The following TWF1 variants were observed in gnomAD, a reference collection of about 807,000 sequenced individuals.
TWF1 encodes the protein twinfilin actin binding protein 1, also known as twinfilin-1.
TWF1 carries 14 observed loss-of-function variants against 47.9 expected under a neutral mutation model. The observed-to-expected ratio is 0.29, with a 90% confidence interval of 0.19 to 0.46. The LOEUF is 0.46. Ranked by LOEUF, TWF1 falls within the 20% of genes least tolerant of loss-of-function variation. TWF1 has a pLI of 1.00. For missense variants in TWF1, 281 were observed against 409.3 expected (o/e 0.69, Z 2.70); for synonymous variants, 96 against 139.2 (o/e 0.69, Z 2.18).
chr12:43,804,153 TA>T, intron 2 of TWF1: 3 of 386,348 alleles, frequency 7.8e-6, no homozygotes, highest in Middle Eastern at 3.7e-4. Flanking sequence ...CACAAGTAAC[TA>T]TTTTTTTTTT....
At position 43,794,185 on chromosome 12, in the gene TWF1, A is replaced by G. The variant is rs1942510517; in HGVS notation, c.*1400T>C. The G allele has an allele frequency of 1.3e-5, 2 of 152,598 alleles. No individual in the cohort carries two copies. The highest frequency in any genetic ancestry group is 1.9e-4 in the East Asian group (1 of 5,194). 9.5% of individuals were successfully genotyped at this position (152,598 alleles called of 1,614,324 possible). On this transcript the variant is annotated 3_prime_UTR_variant, in exon 9 of 9. Transcript: ENST00000395510. ...TACGTGTACACCCATGGAACAACTTATATCTTTAGTAAACAAGTGCAACAT... is the reference window on the plus strand; with the variant it reads ...TACGTGTACACCCATGGAACAACTTGTATCTTTAGTAAACAAGTGCAACAT...
chr12:43,799,783 G>A (rs1393319118), intron 4 of TWF1, among the ~76,000 whole-genome samples: 3 of 152,038 alleles, frequency 2.0e-5, no homozygotes, highest in Non-Finnish European at 4.4e-5. Flanking sequence ...TGGTCATCCT[G>A]TAAGTCTATA....
intron 5 of TWF1, chr12:43,798,734 C>CAG: frequency 2.3e-6 from 2 of 886,606 alleles, no homozygotes; most frequent in Non-Finnish European, 3.3e-6. Context: ...ATTCTCCAGA[C>CAG]TGATTCCTAC....
In TWF1 at chr12:43,799,953, C is replaced by T. The variant is rs371913609; in HGVS notation, c.379-451G>A. On this transcript the variant is annotated intron_variant, in intron 4 of 8. Transcript: ENST00000395510. ...TTCATGTCAAAAGAAAAAAATACTA[C>T]AAAGAGGTCTACCTATCATCAAAAT... is the stretch of plus-strand genomic sequence containing the variant. Among the ~76,000 whole-genome samples, 21 of 151,996 alleles carry T rather than the reference C, an allele frequency of 1.4e-4. No individual in the cohort carries two copies. In the East Asian group the frequency reaches 4.1e-3, roughly 29 times the overall value.
In TWF1 at chr12:43,793,737, T is replaced by A. The variant is rs1348792136; in HGVS notation, c.*1848A>T. 4 of 152,508 alleles carry A rather than the reference T, an allele frequency of 2.6e-5. No homozygotes were observed. Among genetic ancestry groups the A allele is most frequent in the African/African-American group, 4.8e-5 (2 of 41,392 alleles). The allele number at this position is 152,508 out of a possible 1,614,324, so 9.4% of individuals were successfully genotyped here. On this transcript the variant is annotated 3_prime_UTR_variant, in exon 9 of 9. Coordinates refer to ENST00000395510, the MANE Select transcript of TWF1 (RefSeq NM_002822.5). The stretch of plus-strand genomic sequence containing the variant: ...ACATACACAACTTAAAGAGAAAAAA[T>A]TTTTATTGTGATATAAAATGCACTT...
rs1450092703 is a variant in TWF1 at position 43,794,447 on chromosome 12, T to C, written c.*1138A>G. The stretch of plus-strand genomic sequence containing the variant: ...TTTCCGATAAGTGATTTATGCAGCA[T>C]AAAGTTTAGATCAAGAAATTACAAA... On this transcript the variant is annotated 3_prime_UTR_variant, in exon 9 of 9. Transcript: ENST00000395510. 2 of 150,644 alleles carry C rather than the reference T, an allele frequency of 1.3e-5. No homozygotes were observed. Among genetic ancestry groups the C allele is most frequent in the African/African-American group, 2.5e-5 (1 of 40,622 alleles). The allele number at this position is 150,644 out of a possible 1,614,324, so 9.3% of individuals were successfully genotyped here. A position where few individuals can be genotyped will look rare whatever the true frequency, so the allele number is the denominator to read the frequency against.
chr12:43,800,548 TTTAC>T lies in TWF1; in HGVS notation c.283-22_283-19del, dbSNP rs749091371. The T allele has an allele frequency of 6.3e-6, 10 of 1,575,290 alleles. No homozygotes were observed. The highest frequency in any genetic ancestry group is 3.3e-4 in the Middle Eastern group (2 of 6,012). On this transcript the variant is annotated intron_variant, in intron 3 of 8. Transcript: ENST00000395510. ...TGACGAACCTATTCAGTTGTGAAAG[TTTAC>T]TTAGTTTATAGATGAAAACATAACA...
Position 43,795,485 on chromosome 12 carries a change from T to G in TWF1, c.*100A>C. 3 of 1,235,430 alleles carry G rather than the reference T, an allele frequency of 2.4e-6. No homozygotes were observed. The highest frequency in any genetic ancestry group is 3.3e-6 in the Non-Finnish European group (3 of 901,838). The allele number at this position is 1,235,430 out of a possible 1,614,324, so 76.5% of individuals were successfully genotyped here. On this transcript the variant is annotated 3_prime_UTR_variant, in exon 9 of 9. Transcript: ENST00000395510. The stretch of plus-strand genomic sequence containing the variant: ...AGTGCTATTTTCCAAAAAGTACAAT[T>G]TTTTTCCCTACTTTATATCAACATG...
chr12:43,802,931 T>G (rs2138148150), intron 2 of TWF1, among the ~76,000 whole-genome samples: 1 of 152,270 alleles, frequency 6.6e-6, no homozygotes, highest in South Asian at 2.1e-4. Flanking sequence ...TGCTACAGAT[T>G]TAAACATTTG....
In TWF1 at chr12:43,795,271, G is replaced by C. The variant is rs1291161190; in HGVS notation, c.*314C>G. ...CAAGAAAGTAGTAAGTTTACCCTTT[G>C]AGACATCAGACTTTCTAGAACTGGC... On this transcript the variant is annotated 3_prime_UTR_variant, in exon 9 of 9. Coordinates refer to ENST00000395510, the MANE Select transcript of TWF1 (RefSeq NM_002822.5). 1.9e-5 allele frequency: 4 copies of C among 211,474 alleles called. No homozygotes were observed. The highest frequency in any genetic ancestry group is 1.7e-3 in the Middle Eastern group (1 of 584). The allele number at this position is 211,474 out of a possible 1,614,324, so 13.1% of individuals were successfully genotyped here.
intron 3 of TWF1, among the ~76,000 whole-genome samples, chr12:43,802,029 T>TA (rs1200437869): frequency 1.3e-5 from 2 of 152,092 alleles, no homozygotes; most frequent in African/African-American, 4.8e-5. Flanking sequence ...GATTCTGCCT[T>TA]AAAAAAGAAA....
Position 43,795,518 on chromosome 12 carries a change from T to C in TWF1, c.*67A>G. 1.4e-6 allele frequency: 2 copies of C among 1,474,352 alleles called. No homozygotes were observed. The highest frequency in any genetic ancestry group is 2.6e-5 in the South Asian group (2 of 76,832). The allele number at this position is 1,474,352 out of a possible 1,614,324, so 91.3% of individuals were successfully genotyped here. On this transcript the variant is annotated 3_prime_UTR_variant, in exon 9 of 9. Transcript: ENST00000395510. ...CTACTTTATATCAACATGGAATGAT[T>C]TCAGTTCTCCTGTACTAAAAGCTGG...
At chr12:43,801,840 G>A (rs948285952) in intron 3 of TWF1, among the ~76,000 whole-genome samples, 1 of 151,996 alleles carries the variant, frequency 6.6e-6, no homozygotes, top group African/African-American at 2.4e-5. Context: ...GACCAGCCTG[G>A]GCAACACAGT....
At chr12:43,806,135 T>A (rs954832883) in intron 1 of TWF1, 86 bp downstream of exon 1, 3 of 1,528,696 alleles carry the variant, frequency 2.0e-6, no homozygotes, top group African/African-American at 2.8e-5. Context: ...CCGGCCCGAC[T>A]CCAGCCCTGC....
Position 43,794,901 on chromosome 12 carries a change from G to A in TWF1, c.*684C>T, listed in dbSNP as rs1282798268. ...GAACATAAATGTTTGGCCTCACAGA[G>A]CATTAGAAAGATAATTTACTAAGGC... On this transcript the variant is annotated 3_prime_UTR_variant, in exon 9 of 9. Coordinates refer to ENST00000395510, the MANE Select transcript of TWF1 (RefSeq NM_002822.5). 1 of 152,054 alleles carries A rather than the reference G, an allele frequency of 6.6e-6. No individual in the cohort carries two copies. Among genetic ancestry groups the A allele is most frequent in the East Asian group, 1.9e-4 (1 of 5,196 alleles). 9.4% of individuals were successfully genotyped at this position (152,054 alleles called of 1,614,324 possible).
In TWF1 at chr12:43,805,084, A is replaced by T. The variant is rs932197719; in HGVS notation, c.26-512T>A. Reference sequence around the variant, plus strand: ...GTCTTAACTCTGGTTATATTTTTCTAACTTGCATTTCTCAAAAGCTAGATT... The same window carrying T: ...GTCTTAACTCTGGTTATATTTTTCTTACTTGCATTTCTCAAAAGCTAGATT... On this transcript the variant is annotated intron_variant, in intron 1 of 8. Coordinates refer to ENST00000395510, the MANE Select transcript of TWF1 (RefSeq NM_002822.5). Among the ~76,000 whole-genome samples, 7 of 152,362 alleles carry T rather than the reference A, an allele frequency of 4.6e-5. No individual in the cohort carries two copies. The South Asian group carries it at 1.0e-3, about 23-fold the overall frequency.
In TWF1 at chr12:43,795,510, G is replaced by A; in HGVS notation, c.*75C>T. 7.0e-7 allele frequency: 1 copy of A among 1,419,566 alleles called. No homozygotes were observed. The highest frequency in any genetic ancestry group is 9.6e-7 in the Non-Finnish European group (1 of 1,044,574). 87.9% of individuals were successfully genotyped at this position (1,419,566 alleles called of 1,614,324 possible). A position where few individuals can be genotyped will look rare whatever the true frequency, so the allele number is the denominator to read the frequency against. On this transcript the variant is annotated 3_prime_UTR_variant, in exon 9 of 9. Coordinates refer to ENST00000395510, the MANE Select transcript of TWF1 (RefSeq NM_002822.5). ...TTTTTTCCCTACTTTATATCAACAT[G>A]GAATGATTTCAGTTCTCCTGTACTA...
chr12:43,794,062 C>T lies in TWF1; in HGVS notation c.*1523G>A, dbSNP rs1465418736. On this transcript the variant is annotated 3_prime_UTR_variant, in exon 9 of 9. Transcript: ENST00000395510. ...CATTCACTTCTAAATTATTTTATAC[C>T]TTCATGACAGGTAGTCTTCCTGACT... 1 of 152,504 alleles carries T rather than the reference C, an allele frequency of 6.6e-6. No individual in the cohort carries two copies. The highest frequency in any genetic ancestry group is 1.5e-5 in the Non-Finnish European group (1 of 68,004). 9.4% of individuals were successfully genotyped at this position (152,504 alleles called of 1,614,324 possible).
At position 43,795,283 on chromosome 12, in the gene TWF1, T is replaced by C. The variant is rs1304195895; in HGVS notation, c.*302A>G. 1.3e-5 allele frequency: 3 copies of C among 225,826 alleles called. No homozygotes were observed. Among genetic ancestry groups the C allele is most frequent in the Admixed American group, 1.0e-4 (2 of 19,192 alleles). The allele number at this position is 225,826 out of a possible 1,614,324, so 14.0% of individuals were successfully genotyped here. ...AAGTTTACCCTTTGAGACATCAGAC[T>C]TTCTAGAACTGGCCCAACTGTATAA... On this transcript the variant is annotated 3_prime_UTR_variant, in exon 9 of 9. Coordinates refer to ENST00000395510, the MANE Select transcript of TWF1 (RefSeq NM_002822.5).
Sources: gnomAD v4.1 joint callset for allele counts (sites outside exome capture counted in the v4.1 genomes callset) on GRCh38, gnomAD v4.1.1 for gene constraint, MANE v1.5 for transcripts, NCBI Gene and HGNC (gene_info 2026-07-23, HGNC 2026-07-21) for gene names.